Variants in FHIT observed in about 807,000 individuals in gnomAD.
FHIT encodes the protein fragile histidine triad diadenosine triphosphatase.
FHIT carries 19 observed loss-of-function variants against 17.9 expected under a neutral mutation model. The observed-to-expected ratio is 1.06, with a 90% CI of 0.74 to 1.56. The LOEUF is 1.56. Ranked by LOEUF, FHIT falls within the 40% of genes most tolerant of loss-of-function variation. The pLI is 0.00. For synonymous variants in FHIT, 81 were observed against 69.7 expected, an observed-to-expected ratio of 1.16 and a Z score of -0.81; for missense variants, 248 against 189.2, an observed-to-expected ratio of 1.31 and a Z score of -1.82.
intron 7 of FHIT, among the ~76,000 whole-genome samples, chr3:59,933,364 T>C (rs763912636): frequency 6.6e-6 from 1 of 152,208 alleles, no homozygotes; most frequent in Non-Finnish European, 1.5e-5. Flanking sequence ...CATTATCAGT[T>C]ATAAAACTTG....
chr3:60,251,915 T>C (rs892458520), intron 5 of FHIT, among the ~76,000 whole-genome samples: 1 of 152,174 alleles, frequency 6.6e-6, no homozygotes, highest in Non-Finnish European at 1.5e-5. Context: ...GTAATAGTGT[T>C]TCACAGTTTA....
intron 3 of FHIT, among the ~76,000 whole-genome samples, chr3:60,927,489 G>A (rs1553770304): frequency 4.6e-5 from 7 of 151,330 alleles, no homozygotes; most frequent in Non-Finnish European, 1.0e-4. Flanking sequence ...CACCCAGTCT[G>A]GGAAGTGAGG....
chr3:60,298,836 C>T (rs184268074), intron 5 of FHIT, among the ~76,000 whole-genome samples: 90 of 152,240 alleles, frequency 5.9e-4, no homozygotes, highest in African/African-American at 2.1e-3. Context: ...AGAGGTGGCT[C>T]TGCAGCCTGA....
At chr3:60,601,723 G>C (rs1326319529) in intron 4 of FHIT, among the ~76,000 whole-genome samples, 1 of 152,116 alleles carries the variant, frequency 6.6e-6, no homozygotes, top group African/African-American at 2.4e-5. Flanking sequence ...AACTCAGCTG[G>C]AAGAAAATGT....
intron 3 of FHIT, among the ~76,000 whole-genome samples, chr3:60,985,787 GC>G (rs1159603680): frequency 2.6e-5 from 4 of 152,164 alleles, no homozygotes; most frequent in Non-Finnish European, 5.9e-5. Flanking sequence ...AAACTTAGTG[GC>G]TTAAAACAAC....
At chr3:60,053,762 T>C (rs3845974) in intron 5 of FHIT, among the ~76,000 whole-genome samples, 31,549 of 152,036 alleles carry the variant, frequency 0.21, 3,695 homozygotes, top group African/African-American at 0.3. Context: ...CCTCTCCATT[T>C]CTTACTACTT....
chr3:60,242,046 G>T (rs1283079164), intron 5 of FHIT, among the ~76,000 whole-genome samples: 1 of 151,946 alleles, frequency 6.6e-6, no homozygotes, highest in Non-Finnish European at 1.5e-5. Context: ...TAAAAACAGG[G>T]TGTGTATGTA....
intron 8 of FHIT, among the ~76,000 whole-genome samples, chr3:59,764,376 T>C (rs1575617565): frequency 6.6e-6 from 1 of 152,220 alleles, no homozygotes; most frequent in African/African-American, 2.4e-5. Context: ...AAAATCTATA[T>C]TCCAACGGTA....
chr3:60,553,353 G>A (rs1576865660), intron 4 of FHIT: 3 of 971,102 alleles, frequency 3.1e-6, no homozygotes, highest in East Asian at 2.3e-4. Context: ...GAGGACTTGT[G>A]TTTTTACGTA....
At chr3:60,731,029 G>A (rs1483135702) in intron 4 of FHIT, among the ~76,000 whole-genome samples, 1 of 152,050 alleles carries the variant, frequency 6.6e-6, no homozygotes, top group African/African-American at 2.4e-5. Flanking sequence ...TACTTGCGAG[G>A]CTGAGGCAGG....
intron 5 of FHIT, among the ~76,000 whole-genome samples, chr3:60,480,734 G>T (rs2033571153): frequency 6.6e-6 from 1 of 152,148 alleles, no homozygotes; most frequent in Non-Finnish European, 1.5e-5. Flanking sequence ...GCAGGAAGAG[G>T]GATCCCAGGG....
At chr3:60,590,950 A>AG (rs1201395499) in intron 4 of FHIT, among the ~76,000 whole-genome samples, 1 of 152,162 alleles carries the variant, frequency 6.6e-6, no homozygotes, top group East Asian at 1.9e-4. Flanking sequence ...GGATTCATCC[A>AG]GGGGGGAAAA....
intron 5 of FHIT, among the ~76,000 whole-genome samples, chr3:60,431,411 C>T (rs373735943): frequency 6.6e-6 from 1 of 152,130 alleles, no homozygotes; most frequent in South Asian, 2.1e-4. Context: ...CACTCTTATC[C>T]GTAGAATCAA....
intron 4 of FHIT, among the ~76,000 whole-genome samples, chr3:60,715,420 C>A (rs1553706486): frequency 1.3e-5 from 2 of 152,032 alleles, no homozygotes; most frequent in African/African-American, 4.8e-5. Flanking sequence ...CACATATACA[C>A]CATGGAATAC....
chr3:59,812,594 A>G (rs540534803), intron 8 of FHIT, among the ~76,000 whole-genome samples: 2 of 152,304 alleles, frequency 1.3e-5, no homozygotes, highest in East Asian at 1.9e-4. Context: ...TCCTGTGGGA[A>G]TTTGACATTT....
At position 59,965,394 on chromosome 3, in the gene FHIT, G is replaced by A. The variant is rs1575779899; in HGVS notation, c.280-42980C>T. Among the ~76,000 whole-genome samples, 3 of 152,146 alleles carry A rather than the reference G, an allele frequency of 2.0e-5. No individual in the cohort carries two copies. In the South Asian group the frequency reaches 6.2e-4, roughly 32 times the overall value. Reference sequence around the variant, plus strand: ...CACAGAACTACATAAATATCTTCTTGCTTGCTTTCTACAGTTTCTTTAAGA... The same window carrying A: ...CACAGAACTACATAAATATCTTCTTACTTGCTTTCTACAGTTTCTTTAAGA... On this transcript the variant is annotated intron_variant, in intron 7 of 9. Coordinates refer to ENST00000492590, the MANE Select transcript of FHIT (RefSeq NM_002012.4).
chr3:60,343,958 T>C (rs1342359639), intron 5 of FHIT, among the ~76,000 whole-genome samples: 1 of 152,202 alleles, frequency 6.6e-6, no homozygotes, highest in East Asian at 1.9e-4. Flanking sequence ...CATAATTTAA[T>C]GCAACAGCTC....
chr3:60,929,073 A>G (rs1553770917), intron 3 of FHIT, among the ~76,000 whole-genome samples: 1 of 152,248 alleles, frequency 6.6e-6, no homozygotes, highest in Non-Finnish European at 1.5e-5. Flanking sequence ...ACGCAAATCA[A>G]TAAACGTAAT....
chr3:60,356,750 AG>A (rs1699670742), intron 5 of FHIT, among the ~76,000 whole-genome samples: 1 of 93,192 alleles, frequency 1.1e-5, no homozygotes, highest in African/African-American at 4.9e-5. Context: ...AGGAAGACAG[AG>A]ACAAAAAAAA....
Sources: gnomAD v4.1 joint callset for allele counts (sites outside exome capture counted in the v4.1 genomes callset) on GRCh38, gnomAD v4.1.1 for gene constraint, MANE v1.5 for transcripts, NCBI Gene and HGNC (gene_info 2026-07-23, HGNC 2026-07-21) for gene names.